The following IRAK3 variants were observed in gnomAD, a reference collection of about 807,000 sequenced individuals.
IRAK3 encodes the protein interleukin 1 receptor associated kinase 3, also known as interleukin-1 receptor-associated kinase 3.
A neutral mutation model predicts 56.6 loss-of-function variants in IRAK3; 57 were observed. That is an observed-to-expected ratio of 1.01 (90% confidence interval 0.81 to 1.26). The LOEUF (loss-of-function observed/expected upper bound fraction) is 1.26. IRAK3 is among the 50% of genes most tolerant of loss of function. IRAK3 has a pLI of 0.00. For synonymous variants in IRAK3, 258 were observed against 255.7 expected, an observed-to-expected ratio of 1.01 and a Z score of -0.09; for missense variants, 703 against 719.0, an observed-to-expected ratio of 0.98 and a Z score of 0.25.
At chr12:66,235,073 G>A in intron 8 of IRAK3, 1 of 1,613,404 alleles carries the variant, frequency 6.2e-7, no homozygotes. Context: ...GTCCTGGTCG[G>A]TGGTGTGGGG....
At chr12:66,211,902 G>A (rs1182077837) in intron 5 of IRAK3, among the ~76,000 whole-genome samples, 1 of 152,166 alleles carries the variant, frequency 6.6e-6, no homozygotes, top group Non-Finnish European at 1.5e-5. Context: ...CTTGAGGTCA[G>A]GAGTTTGAGA....
At chr12:66,192,553 G>T (rs1338213108) in intron 1 of IRAK3, among the ~76,000 whole-genome samples, 3 of 152,084 alleles carry the variant, frequency 2.0e-5, no homozygotes, top group Non-Finnish European at 4.4e-5. Context: ...ACTGAGAAAC[G>T]CTTTTTGCAA....
chr12:66,201,039 A>G (rs545796514), intron 1 of IRAK3, among the ~76,000 whole-genome samples: 28 of 152,064 alleles, frequency 1.8e-4, no homozygotes, highest in Non-Finnish European at 3.8e-4. Context: ...CTGGTCTCAA[A>G]CTCCTGACCT....
chr12:66,250,450 A>C lies in IRAK3; in HGVS notation c.*2279A>C. Reference sequence around the variant, plus strand: ...GTTACAATTTTCCAAAAAAGCACGAAGTGAGATTAAAACCACAGTAAGTCT... The same window carrying C: ...GTTACAATTTTCCAAAAAAGCACGACGTGAGATTAAAACCACAGTAAGTCT... On this transcript the variant is annotated 3_prime_UTR_variant, in exon 12 of 12. Transcript: ENST00000261233. The C allele has an allele frequency of 6.6e-6, 1 of 152,230 alleles. No homozygotes were observed. The highest frequency in any genetic ancestry group is 1.5e-5 in the Non-Finnish European group (1 of 68,040). 9.4% of individuals were successfully genotyped at this position (152,230 alleles called of 1,614,324 possible).
At chr12:66,214,960 TC>T (rs1159167488) in intron 5 of IRAK3, among the ~76,000 whole-genome samples, 1 of 152,198 alleles carries the variant, frequency 6.6e-6, no homozygotes, top group Non-Finnish European at 1.5e-5. Flanking sequence ...TCAAGGTGAT[TC>T]CGAGTTTGCA....
chr12:66,220,514 CTTT>C (rs1555203808), intron 6 of IRAK3, among the ~76,000 whole-genome samples: 1 of 67,350 alleles, frequency 1.5e-5, no homozygotes, highest in Non-Finnish European at 2.5e-5. Context: ...GTTCTTCTTT[CTTT>C]TTTTTTTTTT....
intron 8 of IRAK3, among the ~76,000 whole-genome samples, chr12:66,240,358 A>C (rs1459259914): frequency 6.6e-6 from 1 of 152,186 alleles, no homozygotes; most frequent in Non-Finnish European, 1.5e-5. Flanking sequence ...AGGCACCAAC[A>C]AGCAAAAACA....
chr12:66,247,269 CA>C (rs5798813), intron 11 of IRAK3, among the ~76,000 whole-genome samples: 146,553 of 151,404 alleles, frequency 0.97, 70,981 homozygotes, highest in Middle Eastern at 1. Context: ...GACTCCATCT[CA>C]AAAAAAAACA....
At position 66,252,669 on chromosome 12, in the gene IRAK3, T is replaced by C. The variant is rs961990972; in HGVS notation, c.*4498T>C. 2.6e-5 allele frequency: 4 copies of C among 152,238 alleles called. No individual in the cohort carries two copies. Among genetic ancestry groups the C allele is most frequent in the Admixed American group, 6.5e-5 (1 of 15,274 alleles). 9.4% of individuals were successfully genotyped at this position (152,238 alleles called of 1,614,324 possible). On this transcript the variant is annotated 3_prime_UTR_variant, in exon 12 of 12. Coordinates refer to ENST00000261233, the MANE Select transcript of IRAK3 (RefSeq NM_007199.3). ...GCTCACTGCCCTCATGGAGCTTATA[T>C]GTAAGTGAATAAATCTCAGGGTGGT...
Position 66,211,314 on chromosome 12 carries a change from C to A in IRAK3, c.437-132C>A. 3 of 646,714 alleles carry A rather than the reference C, an allele frequency of 4.6e-6. No individual in the cohort carries two copies. The South Asian group carries it at 5.5e-5, about 12-fold the overall frequency. The allele number at this position is 646,714 out of a possible 1,614,324, so 40.1% of individuals were successfully genotyped here. The stretch of plus-strand genomic sequence containing the variant: ...TGTGCAGAGAGCACATGGTGGTCTT[C>A]GGCTTTGGTTCCTGGGCCTTTCTCT... On this transcript the variant is annotated intron_variant, in intron 4 of 11. Coordinates refer to ENST00000261233, the MANE Select transcript of IRAK3 (RefSeq NM_007199.3).
At chr12:66,239,299 C>CTTTTT (rs10677185) in intron 8 of IRAK3, among the ~76,000 whole-genome samples, 1 of 144,568 alleles carries the variant, frequency 6.9e-6, no homozygotes. Context: ...TCAAAATGGA[C>CTTTTT]TTTTTTTTTT....
chr12:66,236,943 C>T (rs2052914408), intron 8 of IRAK3, among the ~76,000 whole-genome samples: 1 of 152,024 alleles, frequency 6.6e-6, no homozygotes, highest in Non-Finnish European at 1.5e-5. Context: ...TTTTCTGAAA[C>T]ACCCTCTCCC....
At chr12:66,205,482 A>G (rs1418881224) in intron 2 of IRAK3, among the ~76,000 whole-genome samples, 2 of 152,254 alleles carry the variant, frequency 1.3e-5, no homozygotes, top group Admixed American at 1.3e-4. Flanking sequence ...TTCAAATTAA[A>G]TAACAATTTT....
At chr12:66,233,784 T>C (rs1233108596) in intron 8 of IRAK3, among the ~76,000 whole-genome samples, 2 of 147,686 alleles carry the variant, frequency 1.4e-5, no homozygotes, top group Non-Finnish European at 3.0e-5. Flanking sequence ...TTTTTTCTTT[T>C]TCTTTTTTTT....
chr12:66,217,678 A>T (rs2052690947), intron 6 of IRAK3, among the ~76,000 whole-genome samples: 1 of 152,210 alleles, frequency 6.6e-6, no homozygotes, highest in Non-Finnish European at 1.5e-5. Context: ...CCTGAGTCTG[A>T]GAGTCCTTGG....
chr12:66,246,675 A>G (rs1490814914), intron 11 of IRAK3, among the ~76,000 whole-genome samples: 1 of 152,242 alleles, frequency 6.6e-6, no homozygotes, highest in Non-Finnish European at 1.5e-5. Context: ...CTCAGGCTTT[A>G]TCATCTATAA....
intron 2 of IRAK3, among the ~76,000 whole-genome samples, chr12:66,207,472 C>CA (rs58489449): frequency 2.0e-5 from 3 of 146,718 alleles, no homozygotes; most frequent in Non-Finnish European, 4.5e-5. Context: ...ACTCCATCTC[C>CA]AAAAAAAAAA....
chr12:66,250,076 A>G lies in IRAK3; in HGVS notation c.*1905A>G, dbSNP rs1291272540. The stretch of plus-strand genomic sequence containing the variant: ...AATTAAGTTGAATTAAATTACCCCT[A>G]TGAAGCCACATAATCAATAATTCAG... On this transcript the variant is annotated 3_prime_UTR_variant, in exon 12 of 12. Transcript: ENST00000261233. The G allele has an allele frequency of 2.6e-5, 4 of 152,226 alleles. No homozygotes were observed. Among genetic ancestry groups the G allele is most frequent in the African/African-American group, 7.2e-5 (3 of 41,456 alleles). 9.4% of individuals were successfully genotyped at this position (152,226 alleles called of 1,614,324 possible).
intron 6 of IRAK3, among the ~76,000 whole-genome samples, chr12:66,221,588 CA>C (rs1371907319): frequency 1.3e-4 from 20 of 152,186 alleles, no homozygotes; most frequent in Admixed American, 1.3e-3. Context: ...TGAATTTTAT[CA>C]AATGCTTTTG....
Sources: allele counts gnomAD v4.1 joint callset (sites outside exome capture counted in the v4.1 genomes callset), GRCh38; gene constraint gnomAD v4.1.1; transcripts MANE v1.5; gene names NCBI Gene and HGNC (gene_info 2026-07-23, HGNC 2026-07-21).